STARD10: variants seen among roughly 807,000 people sequenced by gnomAD.
STARD10 encodes the protein START domain-containing protein 10.
A neutral mutation model predicts 36.0 loss-of-function variants in STARD10; 24 were observed. That is an observed-to-expected ratio of 0.67 (90% CI 0.48 to 0.94). STARD10 has a LOEUF of 0.94. Ranked by LOEUF, STARD10 falls within the 40% of genes least tolerant of loss-of-function variation. The pLI, the probability that STARD10 is intolerant of heterozygous loss-of-function variation, is 0.00. For missense variants in STARD10, 335 were observed against 396.6 expected, an observed-to-expected ratio of 0.84 and a Z score of 1.32; for synonymous variants, 156 against 161.9, an observed-to-expected ratio of 0.96 and a Z score of 0.28.
chr11:72,787,595 A>G (rs957513224), intron 1 of STARD10, among the ~76,000 whole-genome samples: 5 of 152,354 alleles, frequency 3.3e-5, no homozygotes, highest in Admixed American at 3.3e-4. Context: ...GTCGATGTCT[A>G]TTGGACACTG....
intron 2 of STARD10, among the ~76,000 whole-genome samples, chr11:72,764,271 G>T (rs373957792): frequency 6.6e-6 from 1 of 152,300 alleles, no homozygotes; most frequent in East Asian, 1.9e-4. Flanking sequence ...CCTTCCAGAG[G>T]CTCCCAGAGC....
chr11:72,789,846 G>A (rs1450763859), intron 1 of STARD10, among the ~76,000 whole-genome samples: 1 of 152,214 alleles, frequency 6.6e-6, no homozygotes, highest in Admixed American at 6.5e-5. Context: ...CCTGCCGTGA[G>A]TCCCTGGTGT....
intron 2 of STARD10, among the ~76,000 whole-genome samples, chr11:72,778,300 G>A (rs566487519): frequency 3.3e-5 from 5 of 152,202 alleles, no homozygotes; most frequent in Admixed American, 3.3e-4. Context: ...CTCAGCCTCA[G>A]TTTCTTTGTT....
intron 2 of STARD10, among the ~76,000 whole-genome samples, chr11:72,772,620 G>A (rs1858877925): frequency 1.3e-5 from 2 of 152,040 alleles, no homozygotes; most frequent in South Asian, 4.2e-4. Flanking sequence ...GCTGGTAATG[G>A]CTCTTCCCAG....
intron 1 of STARD10, among the ~76,000 whole-genome samples, chr11:72,786,482 C>T (rs998072844): frequency 1.3e-5 from 2 of 152,210 alleles, no homozygotes; most frequent in African/African-American, 2.4e-5. Flanking sequence ...CACCTGGAGC[C>T]GGATCTAAGT....
At position 72,781,197 on chromosome 11, in the gene STARD10, G is replaced by A. The variant is rs1444992459; in HGVS notation, c.-16C>T. 1.2e-6 allele frequency: 2 copies of A among 1,603,124 alleles called. No homozygotes were observed. Among genetic ancestry groups the A allele is most frequent in the Non-Finnish European group, 1.7e-6 (2 of 1,177,690 alleles). On this transcript the variant is annotated 5_prime_UTR_variant, in exon 2 of 7. Transcript: ENST00000334805. This position sits in a 1 kb window ranked among gnomAD's most constrained non-coding sequence, Gnocchi z 4.7. ...GCTTCTCCATGGGGAGTGTGGGGAGGCCCAGGGCCCTGGTCCTAGTCCGGC... is the reference window on the plus strand; with the variant it reads ...GCTTCTCCATGGGGAGTGTGGGGAGACCCAGGGCCCTGGTCCTAGTCCGGC...
intron 2 of STARD10, among the ~76,000 whole-genome samples, chr11:72,769,024 T>C (rs904416776): frequency 1.3e-5 from 2 of 150,346 alleles, no homozygotes; most frequent in African/African-American, 4.9e-5. Context: ...TGAACTCTTG[T>C]AGATCTCTAT....
chr11:72,781,389 G>C lies in STARD10; in HGVS notation c.-113-95C>G, dbSNP rs1340700915. ...GGGTGGGGAGCTGGAGAGAGGTAGGGGCTGGCCCCAGGGAAGGGCGGACGG... is the reference window on the plus strand; with the variant it reads ...GGGTGGGGAGCTGGAGAGAGGTAGGCGCTGGCCCCAGGGAAGGGCGGACGG... On this transcript the variant is annotated intron_variant, in intron 1 of 6. Coordinates refer to ENST00000334805, the MANE Select transcript of STARD10 (RefSeq NM_006645.3). The surrounding 1 kb of genome is among the most constrained non-coding windows in gnomAD (Gnocchi z 4.7). The C allele has an allele frequency of 6.8e-6, 4 of 584,504 alleles. No homozygotes were observed. In the East Asian group the frequency reaches 1.1e-4, roughly 17 times the overall value. The allele number at this position is 584,504 out of a possible 1,614,324, so 36.2% of individuals were successfully genotyped here. A position where few individuals can be genotyped will look rare whatever the true frequency, so the allele number is the denominator to read the frequency against.
At chr11:72,780,278 G>T (rs1252918321) in intron 2 of STARD10, 11 of 393,772 alleles carry the variant, frequency 2.8e-5, no homozygotes, top group Non-Finnish European at 5.3e-5. Context: ...GGAAGAGCAG[G>T]GGAGATGGCT....
chr11:72,778,119 A>C (rs930477449), intron 2 of STARD10, among the ~76,000 whole-genome samples: 11 of 152,230 alleles, frequency 7.2e-5, no homozygotes, highest in African/African-American at 2.7e-4. Context: ...TAGGATGATG[A>C]GAACAACGCG....
At chr11:72,759,621 TCTC>T (rs1365357826) in intron 2 of STARD10, among the ~76,000 whole-genome samples, 2 of 152,090 alleles carry the variant, frequency 1.3e-5, no homozygotes. Flanking sequence ...CTCAGCCCAG[TCTC>T]CTCCTCCAGG....
At chr11:72,789,728 C>T (rs903091609) in intron 1 of STARD10, among the ~76,000 whole-genome samples, 1 of 152,162 alleles carries the variant, frequency 6.6e-6, no homozygotes, top group Non-Finnish European at 1.5e-5. Flanking sequence ...AAGGCTCTGC[C>T]CTGGGTCAAG....
At chr11:72,757,937 G>T in intron 4 of STARD10, 53 bp from the exon 5 acceptor site, 1 of 1,517,876 alleles carries the variant, frequency 6.6e-7, no homozygotes, top group Non-Finnish European at 9.2e-7. Context: ...CAAAGAAGAT[G>T]TTTTTGTGAG....
chr11:72,779,246 C>T (rs1218601363), intron 2 of STARD10, among the ~76,000 whole-genome samples: 1 of 152,228 alleles, frequency 6.6e-6, no homozygotes, highest in Non-Finnish European at 1.5e-5. Flanking sequence ...TCCCTTCTCA[C>T]CTTTCATTCA....
chr11:72,777,952 G>T (rs1336486260), intron 2 of STARD10, among the ~76,000 whole-genome samples: 1 of 152,160 alleles, frequency 6.6e-6, no homozygotes, highest in African/African-American at 2.4e-5. Flanking sequence ...AGGGGAGGGG[G>T]AAAGGGGGGC....
chr11:72,777,598 G>A (rs1858942727), intron 2 of STARD10, among the ~76,000 whole-genome samples: 1 of 152,256 alleles, frequency 6.6e-6, no homozygotes, highest in African/African-American at 2.4e-5. Flanking sequence ...GACAGGGACT[G>A]AACTGTCAGG....
At chr11:72,783,896 T>C (rs1304951461) in intron 1 of STARD10, among the ~76,000 whole-genome samples, 1 of 152,060 alleles carries the variant, frequency 6.6e-6, no homozygotes. Context: ...ATGGCAAGAA[T>C]GAAACCATCA....
At chr11:72,768,980 A>G (rs932091240) in intron 2 of STARD10, among the ~76,000 whole-genome samples, 1 of 152,222 alleles carries the variant, frequency 6.6e-6, no homozygotes, top group Non-Finnish European at 1.5e-5. Context: ...GTGCATCTGT[A>G]TAATTCAGAA....
intron 2 of STARD10, chr11:72,780,498 G>A: frequency 2.5e-6 from 1 of 399,034 alleles, no homozygotes; most frequent in Non-Finnish European, 5.1e-6. Context: ...CAAGAGCAGG[G>A]CATCGGGCAG....
Sources: gnomAD v4.1 joint callset for allele counts (sites outside exome capture counted in the v4.1 genomes callset) on GRCh38, gnomAD v4.1.1 for gene constraint, Gnocchi (gnomAD v3.1) non-coding constraint, MANE v1.5 for transcripts, NCBI Gene and HGNC (gene_info 2026-07-23, HGNC 2026-07-21) for gene names.